NF2: variants seen among roughly 807,000 people sequenced by gnomAD.
NF2 encodes NF2, moesin-ezrin-radixin like (MERLIN) tumor suppressor.
NF2 carries 8 observed loss-of-function variants against 83.7 expected under a neutral mutation model. That is an observed-to-expected ratio of 0.10 (90% CI 0.06 to 0.17). The LOEUF is 0.17. Ranked by LOEUF, NF2 falls within the 10% of genes least tolerant of loss-of-function variation. The pLI is 1.00. For missense variants in NF2, 533 were observed against 744.4 expected (o/e 0.72, Z 3.31); for synonymous variants, 266 against 269.6 (o/e 0.99, Z 0.13).
chr22:29,639,294 A>C (rs2065736778), intron 3 of NF2, 82 bp downstream of exon 3: 5 of 1,558,334 alleles, frequency 3.2e-6, no homozygotes, highest in Non-Finnish European at 4.4e-6. Context: ...GTTGACCACA[A>C]ACACCTTTGT....
chr22:29,683,698 C>T, intron 15 of NF2: 2 of 1,073,486 alleles, frequency 1.9e-6, no homozygotes, highest in Non-Finnish European at 2.3e-6. Context: ...ACCTCTGCTT[C>T]AGCTTCCTCT....
At position 29,694,933 on chromosome 22, in the gene NF2, G is replaced by T; in HGVS notation, c.*131G>T. On this transcript the variant is annotated 3_prime_UTR_variant, in exon 16 of 16. Transcript: ENST00000338641. This position sits in a 1 kb window ranked among gnomAD's most constrained non-coding sequence, Gnocchi z 4.1. ...CGTGGGAGCTCCAGAACTTTCCCCA[G>T]CTGAGTGAAGAGCCCAGCCCCTCTT... 1 of 905,354 alleles carries T rather than the reference G, an allele frequency of 1.1e-6. No homozygotes were observed. The highest frequency in any genetic ancestry group is 1.8e-6 in the Non-Finnish European group (1 of 564,360). 56.1% of individuals were successfully genotyped at this position (905,354 alleles called of 1,614,324 possible). A position where few individuals can be genotyped will look rare whatever the true frequency, so the allele number is the denominator to read the frequency against.
intron 1 of NF2, among the ~76,000 whole-genome samples, chr22:29,634,314 C>A (rs758123592): frequency 2.0e-5 from 3 of 152,208 alleles, no homozygotes; most frequent in Non-Finnish European, 4.4e-5. Flanking sequence ...AGAGTTGATG[C>A]ACTTCTCACT....
intron 1 of NF2, among the ~76,000 whole-genome samples, chr22:29,607,845 TAA>T (rs2064838501): frequency 6.6e-6 from 1 of 151,838 alleles, no homozygotes; most frequent in African/African-American, 2.4e-5. Flanking sequence ...ATAGAAATTA[TAA>T]AAAAAGAATC....
intron 10 of NF2, among the ~76,000 whole-genome samples, chr22:29,670,579 C>A (rs2857648): frequency 6.7e-6 from 1 of 150,154 alleles, no homozygotes. Context: ...TCTTAGAAAC[C>A]TTGTATGACC....
chr22:29,638,812 A>G (rs947658327), intron 2 of NF2, among the ~76,000 whole-genome samples: 2 of 152,230 alleles, frequency 1.3e-5, no homozygotes, highest in African/African-American at 4.8e-5. Context: ...GTTTTTAACT[A>G]TTCTGTGGCC....
chr22:29,684,017 A>G, intron 15 of NF2: 1 of 680,986 alleles, frequency 1.5e-6, no homozygotes. Flanking sequence ...GTTTCTGCTC[A>G]TAGAGTGGAA....
chr22:29,669,383 C>A (rs2066717195), intron 10 of NF2, among the ~76,000 whole-genome samples: 1 of 152,136 alleles, frequency 6.6e-6, no homozygotes, highest in African/African-American at 2.4e-5. Context: ...GTGGCTCATC[C>A]CTATAACTCC....
At chr22:29,655,927 T>C (rs948499037) in intron 6 of NF2, among the ~76,000 whole-genome samples, 1 of 151,724 alleles carries the variant, frequency 6.6e-6, no homozygotes, top group East Asian at 1.9e-4. Flanking sequence ...TACTCACTGG[T>C]AATTAAGTTT....
intron 11 of NF2, 93 bp downstream of exon 11, chr22:29,672,041 C>T (rs1471704898): frequency 1.7e-5 from 26 of 1,573,846 alleles, no homozygotes; most frequent in East Asian, 6.7e-5. Context: ...GAGTTAGCAG[C>T]GTTTGCTTTG....
intron 4 of NF2, among the ~76,000 whole-genome samples, chr22:29,645,087 C>T (rs964331784): frequency 6.6e-6 from 1 of 152,164 alleles, no homozygotes; most frequent in Admixed American, 6.5e-5. Context: ...TCTTAACTCA[C>T]TTTTTGGGGT....
intron 6 of NF2, 39 bp downstream of exon 6, chr22:29,655,715 GCT>G (rs1491473833): frequency 2.0e-6 from 3 of 1,480,886 alleles, no homozygotes; most frequent in African/African-American, 1.4e-5. Flanking sequence ...TCCTTTATGG[GCT>G]TTTTTTTTTT....
intron 4 of NF2, among the ~76,000 whole-genome samples, chr22:29,643,689 T>A (rs2065879696): frequency 6.6e-6 from 1 of 152,234 alleles, no homozygotes; most frequent in African/African-American, 2.4e-5. Context: ...CGTGTCTACT[T>A]CTTTCTACAC....
intron 15 of NF2, chr22:29,682,915 A>C: frequency 7.4e-7 from 1 of 1,356,884 alleles, no homozygotes; most frequent in Non-Finnish European, 1.1e-6. Context: ...AAAATCACTC[A>C]TCACGATTTC....
At chr22:29,674,805 G>A (rs2147091420) in intron 12 of NF2, 31 bp from the exon 13 acceptor site, 1 of 1,546,954 alleles carries the variant, frequency 6.5e-7, no homozygotes, top group East Asian at 2.4e-5. Flanking sequence ...GCCCTCTTCT[G>A]TGAAGCTGAC....
chr22:29,697,876 CT>C lies in NF2; in HGVS notation c.*3079del, dbSNP rs926118279. ...CCACCGCGCTTGGCCAGACTGCGTC[CT>C]TTTTAAGCGAACATTTTAGGGCCTG... On this transcript the variant is annotated 3_prime_UTR_variant, in exon 16 of 16. Transcript: ENST00000338641. The C allele has an allele frequency of 1.1e-4, 23 of 203,308 alleles. No individual in the cohort carries two copies. The highest frequency in any genetic ancestry group is 1.7e-3 in the Middle Eastern group (1 of 604). The allele number at this position is 203,308 out of a possible 1,614,324, so 12.6% of individuals were successfully genotyped here.
intron 1 of NF2, chr22:29,608,824 G>A (rs771598298): frequency 8.6e-6 from 3 of 348,174 alleles, no homozygotes; most frequent in Non-Finnish European, 1.6e-5. Flanking sequence ...TATCTGAATA[G>A]ACCTATAACA....
intron 1 of NF2, among the ~76,000 whole-genome samples, chr22:29,617,907 A>G (rs999395517): frequency 1.3e-5 from 2 of 152,336 alleles, no homozygotes; most frequent in South Asian, 2.1e-4. Context: ...TACTTTGGAC[A>G]AGTTACATAG....
chr22:29,637,194 T>A (rs994946130), intron 2 of NF2, among the ~76,000 whole-genome samples: 9 of 152,254 alleles, frequency 5.9e-5, no homozygotes, highest in African/African-American at 1.7e-4. Flanking sequence ...TAAAAATTAC[T>A]GTTATCTTCA....
Sources: gnomAD v4.1 joint callset for allele counts (sites outside exome capture counted in the v4.1 genomes callset) on GRCh38, gnomAD v4.1.1 for gene constraint, Gnocchi (gnomAD v3.1) non-coding constraint, MANE v1.5 for transcripts, NCBI Gene and HGNC (gene_info 2026-07-23, HGNC 2026-07-21) for gene names.